The following DLG5 variants were observed in gnomAD, a reference collection of about 807,000 sequenced individuals.
DLG5 encodes discs large MAGUK scaffold protein 5, also known as disks large homolog 5.
A neutral mutation model predicts 189.8 loss-of-function variants in DLG5; 48 were observed. The ratio of observed to expected loss-of-function variants is 0.25; its 90% CI spans 0.20 to 0.32. The LOEUF (loss-of-function observed/expected upper bound fraction) is 0.32. Ranked by LOEUF, DLG5 falls within the 10% of genes least tolerant of loss-of-function variation. The probability of loss-of-function intolerance (pLI) is 1.00; values close to 1 mark genes in which losing one functional copy is unlikely to be tolerated. For synonymous variants in DLG5, 1,016 were observed against 1,054.1 expected (o/e 0.96, Z 0.70); for missense variants, 2,160 against 2,544.7 (o/e 0.85, Z 3.25).
chr10:77,869,367 G>C, intron 1 of DLG5, 170 bp from the exon 2 acceptor site: 2 of 624,658 alleles, frequency 3.2e-6, no homozygotes, highest in South Asian at 3.7e-5. Flanking sequence ...TCTGGACTTC[G>C]GTGTTTCTGC....
intron 5 of DLG5, among the ~76,000 whole-genome samples, chr10:77,849,361 C>T (rs1266678236): frequency 6.6e-6 from 1 of 152,250 alleles, no homozygotes; most frequent in East Asian, 1.9e-4. Context: ...TGTGGCCATC[C>T]CCTTATCCCC....
chr10:77,811,037 C>T, intron 23 of DLG5, 57 bp downstream of exon 23: 1 of 1,569,876 alleles, frequency 6.4e-7, no homozygotes, highest in East Asian at 2.2e-5. Flanking sequence ...GGAGAATGTG[C>T]TCAGCCCCAC....
chr10:77,890,477 CCT>C (rs1443743221), intron 1 of DLG5, among the ~76,000 whole-genome samples: 2 of 152,172 alleles, frequency 1.3e-5, no homozygotes, highest in African/African-American at 2.4e-5. Flanking sequence ...CCTCTCTGCA[CCT>C]CTGATTCCTC....
rs1445323931 is a variant in DLG5 at position 77,830,823 on chromosome 10, A to C, written c.1799T>G (p.Met600Arg). Reference sequence around the variant, plus strand: ...GGCCGAGTCGTGGGAGCTGTGGGCCATCAGCTGTCGGAACCGGGCCTCCTT... The same window carrying C: ...GGCCGAGTCGTGGGAGCTGTGGGCCCTCAGCTGTCGGAACCGGGCCTCCTT... ...LEKEARFRQLMAHSSHDSAID... is the reference protein window; with the variant it reads ...LEKEARFRQLRAHSSHDSAID... The change falls in exon 10 of 32, where the codon ATG becomes AGG. Residue 600 changes from methionine (M) to arginine (R), a missense_variant. Met to Arg is a moderately conservative substitution (Grantham distance 91). Transcript: ENST00000372391. The C allele has an allele frequency of 6.2e-7, 1 of 1,614,186 alleles. No individual in the cohort carries two copies. The highest frequency in any genetic ancestry group is 8.5e-7 in the Non-Finnish European group (1 of 1,180,038).
chr10:77,848,913 A>G (rs1041056071), intron 5 of DLG5, among the ~76,000 whole-genome samples: 1 of 152,210 alleles, frequency 6.6e-6, no homozygotes, highest in Admixed American at 6.5e-5. Context: ...ACTAAAGAAT[A>G]CACACTATTT....
intron 1 of DLG5, among the ~76,000 whole-genome samples, chr10:77,906,917 C>T (rs974882785): frequency 1.2e-4 from 19 of 152,066 alleles, no homozygotes; most frequent in African/African-American, 4.1e-4. Context: ...TGAGCCACCG[C>T]GCCTGGCCCA....
intron 2 of DLG5, among the ~76,000 whole-genome samples, chr10:77,865,156 A>G (rs1844621648): frequency 6.6e-6 from 1 of 152,184 alleles, no homozygotes. Flanking sequence ...GTCGTGCCAG[A>G]CAGTGCCTGT....
intron 1 of DLG5, among the ~76,000 whole-genome samples, chr10:77,889,692 G>A (rs1037324125): frequency 4.6e-5 from 7 of 152,174 alleles, no homozygotes; most frequent in African/African-American, 1.7e-4. Flanking sequence ...AGGGTCACAG[G>A]CTACTTCATC....
intron 14 of DLG5, among the ~76,000 whole-genome samples, chr10:77,823,259 A>G (rs1205531496): frequency 6.6e-6 from 1 of 152,206 alleles, no homozygotes; most frequent in Non-Finnish European, 1.5e-5. Flanking sequence ...AAGTCAAATA[A>G]TTTGAAAATA....
intron 1 of DLG5, among the ~76,000 whole-genome samples, chr10:77,904,411 A>G (rs1172810622): frequency 6.6e-6 from 1 of 152,130 alleles, no homozygotes; most frequent in Admixed American, 6.5e-5. Flanking sequence ...TTGGGAGGGC[A>G]TGATTGGTTT....
Position 77,809,690 on chromosome 10 carries a change from C to G in DLG5, c.4504G>C (p.Val1502Leu). 6.2e-7 allele frequency: 1 copy of G among 1,614,082 alleles called. No individual in the cohort carries two copies. The highest frequency in any genetic ancestry group is 1.3e-5 in the African/African-American group (1 of 75,058). Residue 1502 changes from valine to leucine, a missense_variant, in exon 24 of 32, where the codon GTT (valine) becomes CTT (leucine). Transcript: ENST00000372391. ...DANKKTLEPR[V>L]VFIKKSQLEL... Reference sequence around the variant, plus strand: ...AGCTGGGACTTTTTGATGAAGACAACGCGTGGCTCCAGGGTCTTCTTGTTG... The same window carrying G: ...AGCTGGGACTTTTTGATGAAGACAAGGCGTGGCTCCAGGGTCTTCTTGTTG...
chr10:77,811,785 C>G, intron 22 of DLG5, 139 bp downstream of exon 22: 2 of 1,269,768 alleles, frequency 1.6e-6, no homozygotes, highest in Non-Finnish European at 2.1e-6. Flanking sequence ...AAATCCAGGG[C>G]TGGTCAACTC....
rs554018957 is a variant in DLG5, at chr10:77,847,294, TCCA to T, written c.865-3591_865-3589del. Among the ~76,000 whole-genome samples the T allele has an allele frequency of 2.4e-3, 362 of 152,178 alleles. 2 individuals are homozygous for T. The highest frequency in any genetic ancestry group is 0.023 in the South Asian group (112 of 4,810). On this transcript the variant is annotated intron_variant, in intron 5 of 31. Transcript: ENST00000372391. ...ACGATGACGGCCACCCTCGGCCTGC[TCCA>T]CAAGTGAAAGCTCCTTGGGATAGGG...
chr10:77,930,281 C>A (rs540307103), upstream of DLG5, among the ~76,000 whole-genome samples: 11 of 151,956 alleles, frequency 7.2e-5, no homozygotes, highest in Non-Finnish European at 1.6e-4. Context: ...GACTGCTCAC[C>A]GCTTGGTTGG....
chr10:77,890,161 C>A (rs1845563853), intron 1 of DLG5, among the ~76,000 whole-genome samples: 1 of 152,168 alleles, frequency 6.6e-6, no homozygotes, highest in East Asian at 1.9e-4. Flanking sequence ...GGCCAAAAAC[C>A]TATAGACAAC....
At chr10:77,816,768 A>G in intron 19 of DLG5, 67 bp from the exon 20 acceptor site, 1 of 1,555,346 alleles carries the variant, frequency 6.4e-7, no homozygotes, top group African/African-American at 1.4e-5. Context: ...CAAGACCAAG[A>G]GGCAGGTGCG....
At chr10:77,812,184 G>T (rs774551634) in intron 21 of DLG5, 31 bp downstream of exon 21, 1 of 1,603,672 alleles carries the variant, frequency 6.2e-7, no homozygotes, top group Non-Finnish European at 8.5e-7. Flanking sequence ...GGTTTCCATG[G>T]GCGCCATGCA....
At chr10:77,819,639 T>A in intron 16 of DLG5, 174 bp from the exon 17 acceptor site, 1 of 1,075,686 alleles carries the variant, frequency 9.3e-7, no homozygotes, top group Non-Finnish European at 1.3e-6. Context: ...CCTGTCTCCA[T>A]TTGTAAAAAG....
chr10:77,937,715 CTTTTT>C, the DLG5 span, among the ~76,000 whole-genome samples: 2 of 101,282 alleles, frequency 2.0e-5, no homozygotes, highest in African/African-American at 3.7e-5. Flanking sequence ...ACATTTTATA[CTTTTT>C]TTTTTTTTTT....
Sources: allele counts gnomAD v4.1 joint callset (sites outside exome capture counted in the v4.1 genomes callset), GRCh38; gene constraint gnomAD v4.1.1; transcripts MANE v1.5; gene names NCBI Gene and HGNC (gene_info 2026-07-23, HGNC 2026-07-21).